Variants in KIRREL3 observed in about 807,000 individuals in gnomAD.
KIRREL3 encodes the protein kirre like nephrin family adhesion molecule 3.
Under a neutral mutation model 89.7 loss-of-function variants are expected in KIRREL3, and 36 were observed. That is an observed-to-expected ratio of 0.40 (90% CI 0.31 to 0.53). The LOEUF is 0.53. Among genes scored for constraint, KIRREL3 ranks in the 20% least tolerant of loss-of-function variants. The pLI is 0.49. For missense variants in KIRREL3, 864 were observed against 1,056.6 expected, an observed-to-expected ratio of 0.82 and a Z score of 2.53; for synonymous variants, 445 against 441.4, an observed-to-expected ratio of 1.01 and a Z score of -0.10.
rs891627711 is a variant in KIRREL3, at chr11:126,953,614, T to C, written c.55+46841A>G. On this transcript the variant is annotated intron_variant, in intron 1 of 16. Transcript: ENST00000525144. This position sits in a 1 kb window ranked among gnomAD's most constrained non-coding sequence, Gnocchi z 5.2. ...TACACACACACACACTTGGGAGAGATAGAGAGACAGAGAGAGAGAACGACC... is the reference window on the plus strand; with the variant it reads ...TACACACACACACACTTGGGAGAGACAGAGAGACAGAGAGAGAGAACGACC... Among the ~76,000 whole-genome samples, 1 of 36,482 alleles carries C rather than the reference T, an allele frequency of 2.7e-5. No individual in the cohort carries two copies. 23.9% of individuals were successfully genotyped at this position (36,482 alleles called of 152,430 possible).
chr11:126,450,342 T>C (rs1955994660), intron 7 of KIRREL3, among the ~76,000 whole-genome samples: 1 of 150,924 alleles, frequency 6.6e-6, no homozygotes, highest in African/African-American at 2.5e-5. Flanking sequence ...AGCGTGGGCA[T>C]GTGTGTCCAT....
At chr11:126,803,476 C>G (rs565583817) in intron 1 of KIRREL3, among the ~76,000 whole-genome samples, 70 of 152,200 alleles carry the variant, frequency 4.6e-4, no homozygotes, top group African/African-American at 1.6e-3. Flanking sequence ...TATATATTCT[C>G]TCAATCATAT....
chr11:126,753,166 G>T (rs1211335359), intron 1 of KIRREL3, among the ~76,000 whole-genome samples: 1 of 152,192 alleles, frequency 6.6e-6, no homozygotes, highest in Non-Finnish European at 1.5e-5. Context: ...TAGGCTAAAA[G>T]TTCCCCAGGG....
chr11:126,869,238 A>C (rs2134659517), intron 1 of KIRREL3, among the ~76,000 whole-genome samples: 1 of 149,748 alleles, frequency 6.7e-6, no homozygotes, highest in Non-Finnish European at 1.5e-5. Flanking sequence ...TCAGCCAATG[A>C]CAGAGGGAGG....
Position 127,000,431 on chromosome 11 carries a change from A to G in KIRREL3, c.55+24T>C. The G allele has an allele frequency of 6.3e-7, 1 of 1,584,338 alleles. No individual in the cohort carries two copies. Among genetic ancestry groups the G allele is most frequent in the Non-Finnish European group, 8.6e-7 (1 of 1,165,594 alleles). On this transcript the variant is annotated intron_variant, in intron 1 of 16. Transcript: ENST00000525144. This position sits in a 1 kb window ranked among gnomAD's most constrained non-coding sequence, Gnocchi z 7.1. ...TGACAACCCAGCCGACTTTCTTCCAACTCCAGCAGCGCAGGGGTCCTACCT... is the reference window on the plus strand; with the variant it reads ...TGACAACCCAGCCGACTTTCTTCCAGCTCCAGCAGCGCAGGGGTCCTACCT...
chr11:126,826,134 G>A (rs1943402691), intron 1 of KIRREL3, among the ~76,000 whole-genome samples: 1 of 152,030 alleles, frequency 6.6e-6, no homozygotes, highest in African/African-American at 2.4e-5. Context: ...GCTCTTGGAT[G>A]TCTTCCCCAT....
In KIRREL3 at chr11:126,574,879, C is replaced by G. The variant is rs1422934966; in HGVS notation, c.56-11967G>C. ...AGGAATGAATAGTACGAGAAAATAC[C>G]TGGGTCCACACTGGCAATTCCTGGG... On this transcript the variant is annotated intron_variant, in intron 1 of 16. Coordinates refer to ENST00000525144, the MANE Select transcript of KIRREL3 (RefSeq NM_032531.4). The surrounding 1 kb of genome is among the most constrained non-coding windows in gnomAD (Gnocchi z 5.3). Among the ~76,000 whole-genome samples, 2 of 152,168 alleles carry G rather than the reference C, an allele frequency of 1.3e-5. No individual in the cohort carries two copies. The highest frequency in any genetic ancestry group is 2.9e-5 in the Non-Finnish European group (2 of 68,026).
intron 1 of KIRREL3, chr11:126,681,889 G>T (rs536794970): frequency 5.5e-5 from 25 of 455,064 alleles, no homozygotes; most frequent in Admixed American, 1.4e-4. Flanking sequence ...TCAAATGTAC[G>T]TTTAGGAAGA....
chr11:126,919,135 T>C (rs1415804140), intron 1 of KIRREL3, among the ~76,000 whole-genome samples: 1 of 152,132 alleles, frequency 6.6e-6, no homozygotes, highest in Non-Finnish European at 1.5e-5. Context: ...GATAAATACA[T>C]GCATAATTTG....
In KIRREL3 at chr11:126,432,607, A is replaced by G. The variant is rs763987355; in HGVS notation, c.1589-1081T>C. Among the ~76,000 whole-genome samples the G allele has an allele frequency of 1.4e-3, 197 of 143,880 alleles. No individual in the cohort carries two copies. The highest frequency in any genetic ancestry group is 1.9e-3 in the Non-Finnish European group (124 of 65,928). 94.4% of individuals were successfully genotyped at this position (143,880 alleles called of 152,430 possible). A position where few individuals can be genotyped will look rare whatever the true frequency, so the allele number is the denominator to read the frequency against. On this transcript the variant is annotated intron_variant, in intron 13 of 16. Transcript: ENST00000525144. This position sits in a 1 kb window ranked among gnomAD's most constrained non-coding sequence, Gnocchi z 6.2. ...CCCCACTCCCACCCCGTCCAGCTCCACCCACAGAGTGACATGTGAGATCCC... is the reference window on the plus strand; with the variant it reads ...CCCCACTCCCACCCCGTCCAGCTCCGCCCACAGAGTGACATGTGAGATCCC...
intron 1 of KIRREL3, among the ~76,000 whole-genome samples, chr11:126,967,817 A>AG (rs199983243): frequency 6.6e-6 from 1 of 151,786 alleles, no homozygotes; most frequent in African/African-American, 2.4e-5. Flanking sequence ...GCAGCTGGGG[A>AG]GGGGGCTTGC....
rs940342677 is a variant in KIRREL3, at chr11:126,989,701, C to T, written c.55+10754G>A. ...CCCTTGGAGGTAAAGAAAGGCATGACGAAGTCTTAGGGCCAACAGGGGAAC... is the reference window on the plus strand; with the variant it reads ...CCCTTGGAGGTAAAGAAAGGCATGATGAAGTCTTAGGGCCAACAGGGGAAC... On this transcript the variant is annotated intron_variant, in intron 1 of 16. Coordinates refer to ENST00000525144, the MANE Select transcript of KIRREL3 (RefSeq NM_032531.4). The surrounding 1 kb of genome is among the most constrained non-coding windows in gnomAD (Gnocchi z 6.2). 2.0e-5 allele frequency among the ~76,000 whole-genome samples: 3 copies of T among 152,144 alleles called. No homozygotes were observed. Among genetic ancestry groups the T allele is most frequent in the Admixed American group, 1.3e-4 (2 of 15,276 alleles).
intron 5 of KIRREL3, among the ~76,000 whole-genome samples, chr11:126,466,084 G>C (rs1956714855): frequency 6.6e-6 from 1 of 152,140 alleles, no homozygotes; most frequent in Non-Finnish European, 1.5e-5. Flanking sequence ...GCAGGGGAGG[G>C]AGGGGACCCA....
chr11:126,577,306 G>T (rs1383949784), intron 1 of KIRREL3, among the ~76,000 whole-genome samples: 1 of 151,984 alleles, frequency 6.6e-6, no homozygotes. Context: ...GGACTTCTGC[G>T]CTCAGGTCAG....
At chr11:126,580,602 G>A (rs535600567) in intron 1 of KIRREL3, among the ~76,000 whole-genome samples, 17 of 152,184 alleles carry the variant, frequency 1.1e-4, no homozygotes, top group African/African-American at 2.4e-4. Flanking sequence ...CCTCTAGTTC[G>A]CCCTGGCCCA....
intron 1 of KIRREL3, among the ~76,000 whole-genome samples, chr11:126,567,446 T>C (rs924906221): frequency 1.4e-4 from 21 of 152,216 alleles, no homozygotes; most frequent in Admixed American, 2.0e-4. Flanking sequence ...AATACATTTC[T>C]GTTGTTTAAG....
At chr11:126,848,714 C>T (rs1054900808) in intron 1 of KIRREL3, among the ~76,000 whole-genome samples, 1 of 152,166 alleles carries the variant, frequency 6.6e-6, no homozygotes, top group African/African-American at 2.4e-5. Flanking sequence ...GCAGAATAAG[C>T]TTACTCAATG....
upstream of KIRREL3, chr11:127,003,066 T>C (rs1591455007): frequency 6.9e-6 from 1 of 145,262 alleles, no homozygotes. Context: ...CCTGTTCCCC[T>C]CTCCACTCCC....
chr11:126,821,351 A>ATGTG (rs1555047585), intron 1 of KIRREL3, among the ~76,000 whole-genome samples: 1,212 of 99,650 alleles, frequency 0.012, 38 homozygotes, highest in Middle Eastern at 0.023. Flanking sequence ...ATATATATAT[A>ATGTG]TGTAACTTCC....
Sources: gnomAD v4.1 joint callset for allele counts (sites outside exome capture counted in the v4.1 genomes callset) on GRCh38, gnomAD v4.1.1 for gene constraint, Gnocchi (gnomAD v3.1) non-coding constraint, MANE v1.5 for transcripts, NCBI Gene and HGNC (gene_info 2026-07-23, HGNC 2026-07-21) for gene names.